The following AKT3 variants were observed in gnomAD, a reference collection of about 807,000 sequenced individuals.
AKT3 encodes RAC-gamma serine/threonine-protein kinase.
A neutral mutation model predicts 65.3 loss-of-function variants in AKT3; 15 were observed. The ratio of observed to expected loss-of-function variants is 0.23; its 90% confidence interval spans 0.15 to 0.35. The LOEUF (loss-of-function observed/expected upper bound fraction) is 0.35. AKT3 is among the 10% of genes least tolerant of loss of function. The pLI, the probability that AKT3 is intolerant of heterozygous loss-of-function variation, is 1.00. For missense variants in AKT3, 243 were observed against 576.5 expected (o/e 0.42, Z 5.92); for synonymous variants, 206 against 183.8 (o/e 1.12, Z -0.98).
chr1:243,505,447 C>T lies in AKT3; in HGVS notation c.1355-113G>A, dbSNP rs537950892. ...GGAAAGATGAACAGAGGCAATAGCTCCCATAAACTTGTGTTCATCAATAAG... is the reference window on the plus strand; with the variant it reads ...GGAAAGATGAACAGAGGCAATAGCTTCCATAAACTTGTGTTCATCAATAAG... On this transcript the variant is annotated intron_variant, in intron 13 of 13. Coordinates refer to ENST00000673466, the MANE Select transcript of AKT3 (RefSeq NM_005465.7). 114 of 802,470 alleles carry T rather than the reference C, an allele frequency of 1.4e-4. 1 individual carries two copies. Among genetic ancestry groups the T allele is most frequent in the Non-Finnish European group, 1.7e-4 (84 of 490,888 alleles). 49.7% of individuals were successfully genotyped at this position (802,470 alleles called of 1,614,324 possible). A position where few individuals can be genotyped will look rare whatever the true frequency, so the allele number is the denominator to read the frequency against.
intron 1 of AKT3, among the ~76,000 whole-genome samples, chr1:243,848,434 G>A (rs1695608377): frequency 6.6e-6 from 1 of 152,180 alleles, no homozygotes; most frequent in South Asian, 2.1e-4. Flanking sequence ...CCCCCGGAAT[G>A]TTTGTATTCG....
intron 1 of AKT3, among the ~76,000 whole-genome samples, chr1:243,848,640 C>T (rs4322213): frequency 0.78 from 118,751 of 152,182 alleles, 47,267 homozygotes; most frequent in Non-Finnish European, 0.86. Flanking sequence ...TACTAAAAGA[C>T]ATATATGACC....
chr1:243,804,793 G>T (rs1408828476), intron 2 of AKT3, among the ~76,000 whole-genome samples: 1 of 151,446 alleles, frequency 6.6e-6, no homozygotes, highest in Non-Finnish European at 1.5e-5. Context: ...CTTGTAGTGA[G>T]CTGAGATCGC....
chr1:243,680,635 A>G (rs1558712970), intron 3 of AKT3, among the ~76,000 whole-genome samples: 2 of 152,152 alleles, frequency 1.3e-5, no homozygotes, highest in Non-Finnish European at 2.9e-5. Context: ...CAGAAAGCCA[A>G]TAATTTAGCA....
intron 8 of AKT3, among the ~76,000 whole-genome samples, chr1:243,574,623 C>A (rs1674805602): frequency 1.3e-5 from 2 of 151,982 alleles, no homozygotes; most frequent in African/African-American, 4.8e-5. Flanking sequence ...GTCATTTATA[C>A]AATTACTCAG....
At chr1:243,717,859 A>G (rs1196216110) in intron 2 of AKT3, among the ~76,000 whole-genome samples, 1 of 152,218 alleles carries the variant, frequency 6.6e-6, no homozygotes, top group Non-Finnish European at 1.5e-5. Flanking sequence ...AAGTCCAGCT[A>G]ATTTCGATCA....
chr1:243,511,816 T>C (rs1670033163), intron 13 of AKT3, among the ~76,000 whole-genome samples: 1 of 152,230 alleles, frequency 6.6e-6, no homozygotes, highest in Non-Finnish European at 1.5e-5. Flanking sequence ...ATGTAATTTA[T>C]AGGTATCCAA....
chr1:243,691,562 T>C (rs1170513200), intron 3 of AKT3, among the ~76,000 whole-genome samples: 2 of 151,862 alleles, frequency 1.3e-5, no homozygotes, highest in African/African-American at 2.4e-5. Context: ...TCAAGAAATA[T>C]GCAGAATCAG....
Position 243,526,778 on chromosome 1 carries a change from T to TAAAAAAAAAAAAAAAAAAAAAAAAAAAA in AKT3, c.1252-14353_1252-14352insTTTTTTTTTTTTTTTTTTTTTTTTTTTT, listed in dbSNP as rs1671117704. On this transcript the variant is annotated intron_variant, in intron 12 of 13. Transcript: ENST00000673466. ...TTGCCAGCTGCACTACAAAAAATGG[T>TAAAAAAAAAAAAAAAAAAAAAAAAAAAA]TAAAAAAAAAAAAAAAAAAAAAAAA... Among the ~76,000 whole-genome samples, 25 of 55,726 alleles carry TAAAAAAAAAAAAAAAAAAAAAAAAAAAA rather than the reference T, an allele frequency of 4.5e-4. 10 individuals are homozygous for TAAAAAAAAAAAAAAAAAAAAAAAAAAAA. The highest frequency in any genetic ancestry group is 9.7e-4 in the African/African-American group (16 of 16,472). 36.6% of individuals were successfully genotyped at this position (55,726 alleles called of 152,430 possible).
intron 2 of AKT3, among the ~76,000 whole-genome samples, chr1:243,725,433 GAA>G (rs569561265): frequency 6.6e-6 from 1 of 151,866 alleles, no homozygotes; most frequent in Non-Finnish European, 1.5e-5. Flanking sequence ...AAAGATGCAG[GAA>G]AAAAAATTAT....
chr1:243,592,852 AAAC>A (rs1365583261), intron 8 of AKT3, among the ~76,000 whole-genome samples: 4 of 152,338 alleles, frequency 2.6e-5, no homozygotes, highest in South Asian at 4.1e-4. Flanking sequence ...CACTGGTTTA[AAAC>A]AAAAATAATA....
At chr1:243,821,992 C>T (rs1693881597) in intron 2 of AKT3, among the ~76,000 whole-genome samples, 1 of 152,186 alleles carries the variant, frequency 6.6e-6, no homozygotes, top group Non-Finnish European at 1.5e-5. Flanking sequence ...TTCTTGGTGC[C>T]ACATGGCACA....
chr1:243,612,019 G>A (rs1169039803), intron 8 of AKT3, among the ~76,000 whole-genome samples: 1 of 152,114 alleles, frequency 6.6e-6, no homozygotes, highest in Non-Finnish European at 1.5e-5. Flanking sequence ...TTCACAGCAA[G>A]GATAATATCT....
chr1:243,584,280 G>C (rs1675633026), intron 8 of AKT3, among the ~76,000 whole-genome samples: 1 of 152,028 alleles, frequency 6.6e-6, no homozygotes, highest in South Asian at 2.1e-4. Context: ...TTGACACACT[G>C]TACAGACTAA....
intron 2 of AKT3, among the ~76,000 whole-genome samples, chr1:243,767,129 G>A (rs1294918191): frequency 1.3e-5 from 2 of 152,146 alleles, no homozygotes; most frequent in Admixed American, 1.3e-4. Context: ...AAAGGCTCAA[G>A]AACAGAGTAA....
At chr1:243,610,372 T>C (rs141352043) in intron 8 of AKT3, among the ~76,000 whole-genome samples, 109 of 152,306 alleles carry the variant, frequency 7.2e-4, no homozygotes, top group African/African-American at 2.5e-3. Flanking sequence ...GGTTATACCG[T>C]GAACAAGCCT....
At chr1:243,677,022 T>C (rs1287487357) in intron 3 of AKT3, among the ~76,000 whole-genome samples, 2 of 152,222 alleles carry the variant, frequency 1.3e-5, no homozygotes, top group Non-Finnish European at 2.9e-5. Context: ...CTTTCAAAGC[T>C]ATTCATAAGG....
intron 2 of AKT3, among the ~76,000 whole-genome samples, chr1:243,786,125 A>G (rs1691247259): frequency 6.6e-6 from 1 of 152,128 alleles, no homozygotes; most frequent in African/African-American, 2.4e-5. Context: ...TAATCAAGGG[A>G]TCTGAACTAT....
chr1:243,752,148 T>C (rs1408901608), intron 2 of AKT3, among the ~76,000 whole-genome samples: 1 of 152,140 alleles, frequency 6.6e-6, no homozygotes, highest in Non-Finnish European at 1.5e-5. Flanking sequence ...AAACCAAAAA[T>C]CATTAAATGA....
Sources: gnomAD v4.1 joint callset for allele counts (sites outside exome capture counted in the v4.1 genomes callset) on GRCh38, gnomAD v4.1.1 for gene constraint, MANE v1.5 for transcripts, NCBI Gene and HGNC (gene_info 2026-07-23, HGNC 2026-07-21) for gene names.